Variants in FBXL17 observed in about 807,000 individuals in gnomAD.
FBXL17 encodes F-box/LRR-repeat protein 17.
FBXL17 carries 22 observed loss-of-function variants against 66.2 expected under a neutral mutation model. That is an observed-to-expected ratio of 0.33 (90% CI 0.24 to 0.47). The LOEUF (loss-of-function observed/expected upper bound fraction) is 0.47. Ranked by LOEUF, FBXL17 falls within the 20% of genes least tolerant of loss-of-function variation. FBXL17 has a pLI of 1.00. For missense variants in FBXL17, 878 were observed against 948.2 expected (o/e 0.93, Z 0.97); for synonymous variants, 474 against 400.5 (o/e 1.18, Z -2.19).
intron 6 of FBXL17, among the ~76,000 whole-genome samples, chr5:108,118,403 G>T (rs1473656694): frequency 6.6e-6 from 1 of 152,150 alleles, no homozygotes; most frequent in Non-Finnish European, 1.5e-5. Context: ...CATCTACCCA[G>T]GTGCTCAAGC....
In FBXL17 at chr5:108,345,809, A is replaced by G. The variant is rs1747241573; in HGVS notation, c.1506+2590T>C. Among the ~76,000 whole-genome samples the G allele has an allele frequency of 1.3e-5, 2 of 152,116 alleles. 1 individual carries two copies. Among genetic ancestry groups the G allele is most frequent in the South Asian group, 4.1e-4 (2 of 4,834 alleles). ...TATGAAAAGATGTATGTATACTCAA[A>G]TACTACCAAAATAGCTTGATATTTT... On this transcript the variant is annotated intron_variant, in intron 4 of 8. Transcript: ENST00000542267.
At chr5:108,131,819 C>G (rs1297654778) in intron 6 of FBXL17, among the ~76,000 whole-genome samples, 1 of 151,912 alleles carries the variant, frequency 6.6e-6, no homozygotes, top group African/African-American at 2.4e-5. Context: ...AATGTAAAGG[C>G]TAAATTTCAG....
chr5:108,357,289 A>G (rs1016282963), intron 3 of FBXL17, among the ~76,000 whole-genome samples: 15 of 152,098 alleles, frequency 9.9e-5, no homozygotes, highest in African/African-American at 3.4e-4. Context: ...CCAGGAAGAC[A>G]TAATAATCCT....
chr5:107,871,057 C>CAAAAAAAAAAAAA lies in FBXL17; in HGVS notation c.1966-9210_1966-9198dup, dbSNP rs201752049. On this transcript the variant is annotated intron_variant, in intron 8 of 8. Transcript: ENST00000542267. The stretch of plus-strand genomic sequence containing the variant: ...GGTAAGAAATATTACTCTTGGGCGG[C>CAAAAAAAAAAAAA]AAAAAAAAAAAAAAAAAAAAAACCT... Among the ~76,000 whole-genome samples, 357 of 65,788 alleles carry CAAAAAAAAAAAAA rather than the reference C, an allele frequency of 5.4e-3. 19 individuals are homozygous for CAAAAAAAAAAAAA. Among genetic ancestry groups the CAAAAAAAAAAAAA allele is most frequent in the African/African-American group, 0.021 (280 of 13,228 alleles). 43.2% of individuals were successfully genotyped at this position (65,788 alleles called of 152,430 possible).
chr5:108,368,356 A>C (rs1748809103), intron 1 of FBXL17, among the ~76,000 whole-genome samples: 1 of 152,142 alleles, frequency 6.6e-6, no homozygotes, highest in African/African-American at 2.4e-5. Flanking sequence ...GAAGTTTTAC[A>C]GTTTGACCTT....
chr5:107,861,698 T>C lies in FBXL17; in HGVS notation c.*22A>G, dbSNP rs1371375725. 6.5e-7 allele frequency: 1 copy of C among 1,544,956 alleles called. No individual in the cohort carries two copies. The highest frequency in any genetic ancestry group is 1.4e-5 in the African/African-American group (1 of 72,868). ...CCTCTGCTCTGCTGAATGATCCCAGTGGACTAGGCGAGGCAGGAGCGCTAG... is the reference window on the plus strand; with the variant it reads ...CCTCTGCTCTGCTGAATGATCCCAGCGGACTAGGCGAGGCAGGAGCGCTAG... On this transcript the variant is annotated 3_prime_UTR_variant, in exon 9 of 9. Coordinates refer to ENST00000542267, the MANE Select transcript of FBXL17 (RefSeq NM_001163315.3).
At chr5:108,311,273 G>A (rs187901941) in intron 4 of FBXL17, among the ~76,000 whole-genome samples, 1 of 152,106 alleles carries the variant, frequency 6.6e-6, no homozygotes, top group Admixed American at 6.5e-5. Flanking sequence ...CTGGGTCCCA[G>A]CAATTCTCCT....
chr5:108,373,837 G>C (rs758491994), intron 1 of FBXL17, among the ~76,000 whole-genome samples: 10 of 152,202 alleles, frequency 6.6e-5, no homozygotes, highest in Non-Finnish European at 1.5e-4. Context: ...AGAATAGCTT[G>C]AGCCCAGGAG....
chr5:108,166,429 T>G (rs73778672), intron 6 of FBXL17, among the ~76,000 whole-genome samples: 2 of 152,198 alleles, frequency 1.3e-5, no homozygotes, highest in African/African-American at 4.8e-5. Flanking sequence ...ACATATCTCA[T>G]AGACGTTTCT....
At chr5:108,117,869 G>T (rs1268582267) in intron 6 of FBXL17, among the ~76,000 whole-genome samples, 1 of 152,124 alleles carries the variant, frequency 6.6e-6, no homozygotes, top group Non-Finnish European at 1.5e-5. Context: ...TTGCAGAACT[G>T]CCAGAGATGC....
At chr5:108,041,267 A>G (rs2112803612) in intron 6 of FBXL17, among the ~76,000 whole-genome samples, 2 of 152,316 alleles carry the variant, frequency 1.3e-5, no homozygotes, top group African/African-American at 4.8e-5. Context: ...CTTCTAACAA[A>G]GGAGGCTCAT....
At chr5:108,003,404 A>C (rs928842650) in intron 7 of FBXL17, among the ~76,000 whole-genome samples, 2 of 152,230 alleles carry the variant, frequency 1.3e-5, no homozygotes, top group African/African-American at 2.4e-5. Context: ...AACACAGGTC[A>C]CAGTGGGTTC....
chr5:108,019,983 A>C (rs933925008), intron 7 of FBXL17, among the ~76,000 whole-genome samples: 1 of 151,888 alleles, frequency 6.6e-6, no homozygotes, highest in Non-Finnish European at 1.5e-5. Context: ...AGTTTAGTAA[A>C]ATTTTTCAAA....
intron 4 of FBXL17, among the ~76,000 whole-genome samples, chr5:108,287,999 GAACA>G (rs1471275377): frequency 6.6e-6 from 1 of 151,870 alleles, no homozygotes; most frequent in African/African-American, 2.4e-5. Context: ...TATACCAAGT[GAACA>G]AACAAAGGAA....
chr5:108,090,327 T>C (rs989899881), intron 6 of FBXL17, among the ~76,000 whole-genome samples: 1 of 152,170 alleles, frequency 6.6e-6, no homozygotes, highest in South Asian at 2.1e-4. Context: ...TTTTCTCCCT[T>C]GTATTTCCCT....
chr5:108,123,046 C>A (rs1000867241), intron 6 of FBXL17, among the ~76,000 whole-genome samples: 4 of 150,824 alleles, frequency 2.7e-5, no homozygotes, highest in South Asian at 2.1e-4. Context: ...ACTTTTTATT[C>A]TTTGGCTGCA....
At chr5:108,236,507 TG>T (rs1318904687) in intron 4 of FBXL17, among the ~76,000 whole-genome samples, 2 of 150,104 alleles carry the variant, frequency 1.3e-5, no homozygotes, top group Non-Finnish European at 3.0e-5. Flanking sequence ...AGCAAGACTC[TG>T]TCTAAAAAAA....
chr5:108,252,971 C>T (rs920475916), intron 4 of FBXL17, among the ~76,000 whole-genome samples: 75 of 152,284 alleles, frequency 4.9e-4, no homozygotes, highest in Admixed American at 9.8e-4. Context: ...CAAGTAGAAT[C>T]TGTGGATCCT....
At chr5:108,021,179 T>G (rs1321565747) in intron 6 of FBXL17, among the ~76,000 whole-genome samples, 178 bp from the exon 7 acceptor site, 1 of 151,712 alleles carries the variant, frequency 6.6e-6, no homozygotes, top group Non-Finnish European at 1.5e-5. Flanking sequence ...ATGACTTTAT[T>G]TAAATACATT....
Sources: gnomAD v4.1 joint callset for allele counts (sites outside exome capture counted in the v4.1 genomes callset) on GRCh38, gnomAD v4.1.1 for gene constraint, MANE v1.5 for transcripts, NCBI Gene and HGNC (gene_info 2026-07-23, HGNC 2026-07-21) for gene names.